FANCB: variants seen among roughly 807,000 people sequenced by gnomAD.
FANCB encodes Fanconi anemia group B protein.
A neutral mutation model predicts 38.9 loss-of-function variants in FANCB; 5 were observed. The ratio of observed to expected loss-of-function variants is 0.13; its 90% confidence interval spans 0.07 to 0.27. FANCB has a LOEUF of 0.27. FANCB is among the 10% of genes least tolerant of loss of function. The pLI is 1.00. For synonymous variants in FANCB, 236 were observed against 215.4 expected (o/e 1.10, Z -0.84); for missense variants, 573 against 602.7 (o/e 0.95, Z 0.52).
the FANCB span, among the ~76,000 whole-genome samples, chrX:14,760,119 G>C: frequency 1.8e-5 from 2 of 111,870 alleles, no homozygotes; most frequent in Non-Finnish European, 1.9e-5. Context: ...AAAATAACCA[G>C]CTAACATCAA....
chrX:14,792,825 C>T, the FANCB span, among the ~76,000 whole-genome samples: 13 of 111,316 alleles, frequency 1.2e-4, no homozygotes, highest in Admixed American at 1.9e-4. Context: ...TTGTATTTCA[C>T]GGTAGACAAG....
At chrX:14,730,546 A>ATATAAAGAC in the FANCB span, 3 of 603,057 alleles carry the variant, frequency 5.0e-6, no homozygotes, top group Non-Finnish European at 7.3e-6. Context: ...ATACACAGTG[A>ATATAAAGAC]AATTGTCTTT....
the FANCB span, among the ~76,000 whole-genome samples, chrX:14,719,811 C>T: frequency 2.7e-5 from 3 of 111,964 alleles, no homozygotes; most frequent in East Asian, 5.6e-4. Context: ...TATCCATCAA[C>T]AGATAAATGG....
the FANCB span, among the ~76,000 whole-genome samples, chrX:14,774,873 C>T: frequency 2.7e-5 from 3 of 111,171 alleles, no homozygotes; most frequent in Non-Finnish European, 5.7e-5. Context: ...TGCTCTGTCG[C>T]CCAGGCTAGC....
downstream of FANCB, chrX:14,834,381 C>T (rs1233943146): frequency 5.6e-6 from 2 of 356,018 alleles, no homozygotes; most frequent in Non-Finnish European, 1.0e-5. Flanking sequence ...AAAGTTCTCA[C>T]TCTGCATTAT....
the FANCB span, among the ~76,000 whole-genome samples, chrX:14,693,138 G>T: frequency 9.1e-6 from 1 of 110,203 alleles, no homozygotes; most frequent in East Asian, 2.8e-4. Flanking sequence ...TATTATAAAT[G>T]CAGTAAAGAA....
At chrX:14,694,549 T>G in the FANCB span, among the ~76,000 whole-genome samples, 7 of 112,092 alleles carry the variant, frequency 6.2e-5, no homozygotes, top group Non-Finnish European at 1.1e-4. Flanking sequence ...TGGATAGTTG[T>G]GGTGTCAAGA....
the FANCB span, among the ~76,000 whole-genome samples, chrX:14,816,076 G>A: frequency 8.9e-6 from 1 of 111,737 alleles, no homozygotes; most frequent in Non-Finnish European, 1.9e-5. Context: ...TACACTATTT[G>A]GGTGATGGCT....
chrX:14,723,779 T>C, the FANCB span, among the ~76,000 whole-genome samples: 7 of 112,090 alleles, frequency 6.2e-5, no homozygotes, highest in Non-Finnish European at 9.4e-5. Context: ...GAAATATCAC[T>C]TCCTAGGGGA....
At chrX:14,829,420 A>G in the FANCB span, among the ~76,000 whole-genome samples, 3 of 111,531 alleles carry the variant, frequency 2.7e-5, no homozygotes, top group Admixed American at 2.9e-4. Flanking sequence ...CAAGAGAGTC[A>G]GCCTGTCCTT....
chrX:14,726,894 G>A, the FANCB span, among the ~76,000 whole-genome samples: 2 of 112,040 alleles, frequency 1.8e-5, no homozygotes, highest in African/African-American at 6.5e-5. Context: ...TTATCTTACT[G>A]AGGCGGTGAA....
At chrX:14,796,916 G>T in the FANCB span, among the ~76,000 whole-genome samples, 1 of 110,179 alleles carries the variant, frequency 9.1e-6, no homozygotes, top group African/African-American at 3.3e-5. Flanking sequence ...GCTGGCAGTT[G>T]GAGTTCTAAG....
At position 14,847,454 on chromosome X, in the gene FANCB, T is replaced by C. The variant is rs112500266; in HGVS notation, c.1497-2168A>G. Among the ~76,000 whole-genome samples, 867 of 110,563 alleles carry C rather than the reference T, an allele frequency of 7.8e-3. 12 individuals carry two copies. Among genetic ancestry groups the C allele is most frequent in the African/African-American group, 0.026 (799 of 30,509 alleles). On this transcript the variant is annotated intron_variant, in intron 7 of 9. Transcript: ENST00000650831. The stretch of plus-strand genomic sequence containing the variant: ...GATCAGAAGAAATTATCCAGGTGAA[T>C]AGAAAATATGAAAGAGATGTTGAGA...
chrX:14,789,053 C>T, the FANCB span, among the ~76,000 whole-genome samples: 1 of 111,951 alleles, frequency 8.9e-6, no homozygotes, highest in African/African-American at 3.2e-5. Context: ...ATGTAAAACA[C>T]TTTGATTTCA....
chrX:14,796,354 G>T, the FANCB span, among the ~76,000 whole-genome samples: 1 of 99,522 alleles, frequency 1.0e-5, no homozygotes, highest in African/African-American at 3.5e-5. Context: ...AGAACCAATA[G>T]GATATATGTG....
chrX:14,804,377 C>T, the FANCB span, among the ~76,000 whole-genome samples: 3 of 111,683 alleles, frequency 2.7e-5, no homozygotes, highest in African/African-American at 6.5e-5. Flanking sequence ...AGCAAACTAT[C>T]GCAAGGACAG....
the FANCB span, chrX:14,730,772 A>G: frequency 3.5e-6 from 1 of 284,641 alleles, no homozygotes; most frequent in South Asian, 6.3e-5. Context: ...CAACATTCAG[A>G]CATGATATGC....
downstream of FANCB, among the ~76,000 whole-genome samples, chrX:14,842,662 T>A (rs2092358587): frequency 8.9e-6 from 1 of 112,451 alleles, no homozygotes; most frequent in Non-Finnish European, 1.9e-5. Context: ...CATTTATTTT[T>A]AAATTTCTCA....
At chrX:14,700,436 AG>A in the FANCB span, among the ~76,000 whole-genome samples, 1 of 111,479 alleles carries the variant, frequency 9.0e-6, no homozygotes, top group Admixed American at 9.5e-5. Context: ...AGAGACAGGC[AG>A]GGGGAAAGGA....
Sources: gnomAD v4.1 joint callset for allele counts (sites outside exome capture counted in the v4.1 genomes callset) on GRCh38, gnomAD v4.1.1 for gene constraint, MANE v1.5 for transcripts, NCBI Gene and HGNC (gene_info 2026-07-23, HGNC 2026-07-21) for gene names.